Variants in PTPN20 observed in about 807,000 individuals in gnomAD.
PTPN20 encodes tyrosine-protein phosphatase non-receptor type 20.
In PTPN20, 9 loss-of-function variants were observed where a neutral mutation model predicts 35.0. The observed-to-expected ratio is 0.26, with a 90% CI of 0.15 to 0.45. The LOEUF (loss-of-function observed/expected upper bound fraction) is 0.45, where lower values mean the gene tolerates loss of function less well. PTPN20 is among the 20% of genes least tolerant of loss of function. The pLI is 1.00. For missense variants in PTPN20, 111 were observed against 312.5 expected (o/e 0.36, Z 4.86); for synonymous variants, 32 against 100.2 (o/e 0.32, Z 4.06).
intron 9 of PTPN20, among the ~76,000 whole-genome samples, chr10:46,988,934 G>T: frequency 6.9e-6 from 1 of 144,042 alleles, no homozygotes; most frequent in Non-Finnish European, 1.5e-5. Context: ...AAATATCACT[G>T]ATTTTTGTAT....
intron 9 of PTPN20, among the ~76,000 whole-genome samples, chr10:46,992,067 A>G (rs2058063873): frequency 1.3e-5 from 2 of 150,846 alleles, no homozygotes; most frequent in South Asian, 4.2e-4. Flanking sequence ...AGTGAGTCAT[A>G]GGTTTGGTCT....
At chr10:46,992,249 A>C (rs2058117562) in intron 9 of PTPN20, among the ~76,000 whole-genome samples, 1 of 150,948 alleles carries the variant, frequency 6.6e-6, no homozygotes, top group Admixed American at 6.6e-5. Flanking sequence ...CAGCCTCCTG[A>C]GTAACTGGGA....
intron 2 of PTPN20, among the ~76,000 whole-genome samples, chr10:46,935,310 T>G (rs1323953087): frequency 8.0e-5 from 6 of 75,216 alleles, no homozygotes. Context: ...CATTCTGTTT[T>G]TTTTTTTTTT....
chr10:46,965,924 C>CT (rs1411717020), intron 6 of PTPN20, among the ~76,000 whole-genome samples: 12,411 of 23,258 alleles, frequency 0.53, 1,760 homozygotes, highest in African/African-American at 0.72. Context: ...ATTGGTTACT[C>CT]TTTTTTTTTT....
At chr10:46,945,256 T>G (rs2044372657) in intron 4 of PTPN20, among the ~76,000 whole-genome samples, 1 of 151,918 alleles carries the variant, frequency 6.6e-6, no homozygotes, top group Non-Finnish European at 1.5e-5. Context: ...AAAGGATGCA[T>G]ACGGAGGGTC....
intron 1 of PTPN20, 117 bp from the exon 2 acceptor site, chr10:46,932,260 T>G (rs2039915386): frequency 7.2e-7 from 1 of 1,383,492 alleles, no homozygotes; most frequent in Non-Finnish European, 9.6e-7. Context: ...AAATTTATTT[T>G]GTCTTTAATT....
chr10:46,918,929 T>C (rs1310211035), intron 1 of PTPN20, among the ~76,000 whole-genome samples: 4 of 136,696 alleles, frequency 2.9e-5, no homozygotes, highest in Admixed American at 7.2e-5. Flanking sequence ...GTCTCCAACA[T>C]TGTTGTAGAT....
intron 7 of PTPN20, among the ~76,000 whole-genome samples, chr10:46,981,071 G>T (rs1217054810): frequency 6.7e-6 from 1 of 150,184 alleles, no homozygotes; most frequent in Non-Finnish European, 1.5e-5. Flanking sequence ...TAGCTGGATG[G>T]TCAGGGAATT....
chr10:46,930,015 C>T (rs2039040533), intron 1 of PTPN20, among the ~76,000 whole-genome samples: 1 of 143,124 alleles, frequency 7.0e-6, no homozygotes, highest in South Asian at 2.2e-4. Flanking sequence ...TACTAGAAAA[C>T]ATGCCAGGAA....
chr10:47,002,116 T>C lies in PTPN20; in HGVS notation c.*1375T>C, dbSNP rs2138413033. 1 of 152,324 alleles carries C rather than the reference T, an allele frequency of 6.6e-6. No homozygotes were observed. The highest frequency in any genetic ancestry group is 2.4e-5 in the African/African-American group (1 of 41,578). 9.4% of individuals were successfully genotyped at this position (152,324 alleles called of 1,614,324 possible). On this transcript the variant is annotated 3_prime_UTR_variant, in exon 11 of 11. Coordinates refer to ENST00000374339, the MANE Select transcript of PTPN20 (RefSeq NM_001042357.5). ...TAAAAATAATTATATGCCAAAAATATATTTGATGTTAAATCAAATAGATGA... is the reference window on the plus strand; with the variant it reads ...TAAAAATAATTATATGCCAAAAATACATTTGATGTTAAATCAAATAGATGA...
chr10:46,996,407 T>C (rs2059114287), intron 9 of PTPN20, among the ~76,000 whole-genome samples: 1 of 152,240 alleles, frequency 6.6e-6, no homozygotes. Flanking sequence ...TAAAAATTAG[T>C]AATTCAAATG....
intron 7 of PTPN20, among the ~76,000 whole-genome samples, chr10:46,983,554 C>G (rs1411675254): frequency 4.9e-5 from 7 of 143,860 alleles, no homozygotes; most frequent in Admixed American, 1.4e-4. Flanking sequence ...GGCCAAATAG[C>G]TGGTTTTCCC....
intron 5 of PTPN20, among the ~76,000 whole-genome samples, chr10:46,949,270 G>A (rs1368687134): frequency 1.3e-5 from 2 of 152,186 alleles, no homozygotes; most frequent in Admixed American, 1.3e-4. Flanking sequence ...GTGAACTTGA[G>A]TCTGTGAATG....
chr10:46,999,980 C>T lies in PTPN20; in HGVS notation c.1197+6C>T, dbSNP rs1555184301. 6.2e-7 allele frequency: 1 copy of T among 1,613,702 alleles called. No individual in the cohort carries two copies. Among genetic ancestry groups the T allele is most frequent in the South Asian group, 1.1e-5 (1 of 91,066 alleles). On this transcript the variant is annotated splice_donor_region_variant and intron_variant, in intron 10 of 10. Coordinates refer to ENST00000374339, the MANE Select transcript of PTPN20 (RefSeq NM_001042357.5). ...CTGGCATGGTTCAAACGAAGGTAAG[C>T]TTTCACCACATACATAATAATAAGA...
chr10:46,928,328 T>G (rs1258931722), intron 1 of PTPN20, among the ~76,000 whole-genome samples: 1 of 151,950 alleles, frequency 6.6e-6, no homozygotes, highest in East Asian at 1.9e-4. Context: ...GATATTATCT[T>G]TATCCTAGAG....
chr10:46,990,935 AT>A (rs1165908951), intron 9 of PTPN20, among the ~76,000 whole-genome samples: 4 of 12,366 alleles, frequency 3.2e-4, no homozygotes, highest in African/African-American at 1.4e-3. Flanking sequence ...GTAGATATTT[AT>A]TGAGTCCAAT....
At chr10:46,994,720 C>G (rs887964736) in intron 9 of PTPN20, among the ~76,000 whole-genome samples, 1 of 152,158 alleles carries the variant, frequency 6.6e-6, no homozygotes, top group African/African-American at 2.4e-5. Flanking sequence ...CTACCCCTTG[C>G]TCTTGTTCAA....
rs1288114925 is a variant in PTPN20 at position 47,001,083 on chromosome 10, A to T, written c.*342A>T. ...ATATTCATTAAGATTTTATTTGGAA[A>T]GGTGGCTGGAGAGAGCTGAGGATTT... On this transcript the variant is annotated 3_prime_UTR_variant, in exon 11 of 11. Coordinates refer to ENST00000374339, the MANE Select transcript of PTPN20 (RefSeq NM_001042357.5). The T allele has an allele frequency of 1.3e-5, 4 of 313,944 alleles. No individual in the cohort carries two copies. Among genetic ancestry groups the T allele is most frequent in the Non-Finnish European group, 2.4e-5 (4 of 167,294 alleles). The allele number at this position is 313,944 out of a possible 1,614,324, so 19.4% of individuals were successfully genotyped here. A position where few individuals can be genotyped will look rare whatever the true frequency, so the allele number is the denominator to read the frequency against.
intron 5 of PTPN20, among the ~76,000 whole-genome samples, chr10:46,954,708 C>T (rs1444835022): frequency 2.7e-5 from 4 of 149,646 alleles, no homozygotes; most frequent in Non-Finnish European, 5.9e-5. Flanking sequence ...CTTTTAGTTT[C>T]CCTTACTTTC....
Sources: gnomAD v4.1 joint callset for allele counts (sites outside exome capture counted in the v4.1 genomes callset) on GRCh38, gnomAD v4.1.1 for gene constraint, MANE v1.5 for transcripts, NCBI Gene and HGNC (gene_info 2026-07-23, HGNC 2026-07-21) for gene names.